KDM4B: variants seen among roughly 807,000 people sequenced by gnomAD.
KDM4B encodes the protein lysine-specific demethylase 4B.
Under a neutral mutation model 125.2 loss-of-function variants are expected in KDM4B, and 32 were observed. The observed-to-expected ratio is 0.26, with a 90% CI of 0.19 to 0.34. The LOEUF is 0.34. KDM4B is among the 10% of genes least tolerant of loss of function. The pLI, the probability that KDM4B is intolerant of heterozygous loss-of-function variation, is 1.00. For synonymous variants in KDM4B, 721 were observed against 677.9 expected, an observed-to-expected ratio of 1.06 and a Z score of -0.99; for missense variants, 1,190 against 1,577.7, an observed-to-expected ratio of 0.75 and a Z score of 4.16.
At chr19:5,072,041 G>A (rs2037965533) in intron 7 of KDM4B, among the ~76,000 whole-genome samples, 2 of 152,192 alleles carry the variant, frequency 1.3e-5, no homozygotes, top group Admixed American at 6.5e-5. Context: ...CTTCAAGGAC[G>A]GCGTCAGGCA....
At chr19:5,095,839 A>G (rs531483429) in intron 9 of KDM4B, among the ~76,000 whole-genome samples, 4 of 152,330 alleles carry the variant, frequency 2.6e-5, no homozygotes, top group Admixed American at 2.6e-4. Flanking sequence ...TGTGTGCAGC[A>G]CTTATGTGCG....
chr19:5,151,790 C>T lies in KDM4B; in HGVS notation c.*279C>T, dbSNP rs2039953321. Reference sequence around the variant, plus strand: ...AAGCTCTCTTCTTCTCGAAAAGGTGCTACTGCAATGCCCTACTGAGCAACC... The same window carrying T: ...AAGCTCTCTTCTTCTCGAAAAGGTGTTACTGCAATGCCCTACTGAGCAACC... On this transcript the variant is annotated 3_prime_UTR_variant, in exon 23 of 23. Transcript: ENST00000159111. The T allele has an allele frequency of 2.8e-6, 1 of 353,688 alleles. No individual in the cohort carries two copies. Among genetic ancestry groups the T allele is most frequent in the Non-Finnish European group, 5.1e-6 (1 of 197,378 alleles). 21.9% of individuals were successfully genotyped at this position (353,688 alleles called of 1,614,324 possible). A position where few individuals can be genotyped will look rare whatever the true frequency, so the allele number is the denominator to read the frequency against.
At chr19:5,028,119 G>A (rs1193170378) in intron 2 of KDM4B, among the ~76,000 whole-genome samples, 1 of 152,098 alleles carries the variant, frequency 6.6e-6, no homozygotes, top group Non-Finnish European at 1.5e-5. Flanking sequence ...TGGCAGGCAC[G>A]CACCACCATG....
intron 5 of KDM4B, among the ~76,000 whole-genome samples, chr19:5,041,918 G>A (rs921903247): frequency 1.3e-5 from 2 of 152,234 alleles, no homozygotes; most frequent in African/African-American, 2.4e-5. Context: ...CCTTGTCTGC[G>A]CTGTGGCCCG....
intron 6 of KDM4B, among the ~76,000 whole-genome samples, chr19:5,049,124 C>T (rs955435353): frequency 3.9e-5 from 6 of 152,200 alleles, no homozygotes; most frequent in East Asian, 1.9e-4. Context: ...GGGGCCTCTG[C>T]GGGAGGAGGC....
rs530756188 is a variant in KDM4B, at chr19:5,031,148, C to T, written c.-25-1718C>T. Among the ~76,000 whole-genome samples, 5 of 152,244 alleles carry T rather than the reference C, an allele frequency of 3.3e-5. No individual in the cohort carries two copies. In the South Asian group the frequency reaches 8.3e-4, roughly 25 times the overall value. On this transcript the variant is annotated intron_variant, in intron 2 of 22. Transcript: ENST00000159111. ...CTACATGGCCACATCTGGGTGAGAG[C>T]GGGAGGGCAGGTGCAGCGTTGGGGG...
chr19:5,137,607 T>C lies in KDM4B; in HGVS notation c.2386-14T>C, dbSNP rs1183428627. On this transcript the variant is annotated splice_polypyrimidine_tract_variant and intron_variant, in intron 16 of 22. Coordinates refer to ENST00000159111, the MANE Select transcript of KDM4B (RefSeq NM_015015.3). ...TCCGAGCCCTGCTCATCCAGGGCTG[T>C]CTGGTCTCCACAGGAGTGCTGCCTG... The C allele has an allele frequency of 5.6e-6, 9 of 1,603,148 alleles. No homozygotes were observed. Among genetic ancestry groups the C allele is most frequent in the Admixed American group, 5.1e-5 (3 of 59,302 alleles).
intron 7 of KDM4B, 188 bp from the exon 8 acceptor site, chr19:5,077,179 G>A (rs529019111): frequency 1.3e-5 from 8 of 618,524 alleles, no homozygotes; most frequent in Admixed American, 2.8e-5. Flanking sequence ...CGGCTCCTGC[G>A]CATCTCCTTC....
Position 5,083,643 on chromosome 19 carries a change from G to T in KDM4B, c.918+1139G>T, listed in dbSNP as rs370052147. On this transcript the variant is annotated intron_variant, in intron 9 of 22. Transcript: ENST00000159111. ...AGGGCTGCTGTTTCTGGGCAGCATT[G>T]AACAGCCCAGCTCCTCCCAGCCCCT... 5.3e-5 allele frequency among the ~76,000 whole-genome samples: 8 copies of T among 152,240 alleles called. No homozygotes were observed. In the South Asian group the frequency reaches 1.7e-3, roughly 32 times the overall value.
intron 1 of KDM4B, among the ~76,000 whole-genome samples, chr19:4,980,781 GT>G (rs2034611398): frequency 6.6e-6 from 1 of 152,064 alleles, no homozygotes; most frequent in South Asian, 2.1e-4. Flanking sequence ...GGGGTGTCCT[GT>G]TTTGTTTTCC....
At chr19:5,065,880 C>G (rs2037753840) in intron 6 of KDM4B, among the ~76,000 whole-genome samples, 1 of 152,202 alleles carries the variant, frequency 6.6e-6, no homozygotes, top group Non-Finnish European at 1.5e-5. Flanking sequence ...CTGTCGGGGC[C>G]TCGCAGCATC....
At chr19:5,120,101 A>C (rs1423049869) in intron 11 of KDM4B, among the ~76,000 whole-genome samples, 1 of 152,172 alleles carries the variant, frequency 6.6e-6, no homozygotes, top group Non-Finnish European at 1.5e-5. Flanking sequence ...TCCCACCTGT[A>C]ATCCTAGCAC....
chr19:5,004,601 C>T (rs1044514004), intron 1 of KDM4B, among the ~76,000 whole-genome samples: 1 of 152,180 alleles, frequency 6.6e-6, no homozygotes, highest in African/African-American at 2.4e-5. Flanking sequence ...CTGCCGTGCA[C>T]GTTTCAGCTC....
At chr19:5,136,432 A>G (rs2039649992) in intron 15 of KDM4B, among the ~76,000 whole-genome samples, 1 of 152,064 alleles carries the variant, frequency 6.6e-6, no homozygotes, top group Admixed American at 6.5e-5. Flanking sequence ...CCTGGCAGCC[A>G]TAGATCTGTG....
intron 7 of KDM4B, among the ~76,000 whole-genome samples, chr19:5,073,391 G>A (rs1400560130): frequency 6.6e-6 from 1 of 152,256 alleles, no homozygotes; most frequent in Non-Finnish European, 1.5e-5. Context: ...TGGGGAGCAG[G>A]CTCTAGGCTC....
At chr19:5,149,026 C>T (rs1266202782) in intron 21 of KDM4B, among the ~76,000 whole-genome samples, 1 of 152,230 alleles carries the variant, frequency 6.6e-6, no homozygotes, top group East Asian at 1.9e-4. Context: ...CTGCTTCTCC[C>T]GCCGCCTGCG....
intron 6 of KDM4B, among the ~76,000 whole-genome samples, chr19:5,057,100 G>A (rs923218997): frequency 8.6e-5 from 13 of 150,462 alleles, no homozygotes; most frequent in Admixed American, 2.6e-4. Flanking sequence ...ATGACTCTCC[G>A]GCTGTCCCCT....
At chr19:5,011,581 G>T (rs935814232) in intron 1 of KDM4B, among the ~76,000 whole-genome samples, 1 of 152,146 alleles carries the variant, frequency 6.6e-6, no homozygotes, top group South Asian at 2.1e-4. Flanking sequence ...GCTTGTGGCC[G>T]TGGGAGAGGC....
intron 5 of KDM4B, 138 bp from the exon 6 acceptor site, chr19:5,047,338 T>C (rs890483716): frequency 4.0e-5 from 29 of 733,452 alleles, no homozygotes; most frequent in Non-Finnish European, 6.4e-5. Flanking sequence ...GACCGGCCCC[T>C]GGGGGGGCCG....
Sources: gnomAD v4.1 joint callset for allele counts (sites outside exome capture counted in the v4.1 genomes callset) on GRCh38, gnomAD v4.1.1 for gene constraint, MANE v1.5 for transcripts, NCBI Gene and HGNC (gene_info 2026-07-23, HGNC 2026-07-21) for gene names.